FSD1L: variants seen among roughly 807,000 people sequenced by gnomAD.
The protein encoded by FSD1L is FSD1-like protein.
In FSD1L, 45 loss-of-function variants were observed where a neutral mutation model predicts 71.6. That is an observed-to-expected ratio of 0.63 (90% confidence interval 0.49 to 0.81). The LOEUF is 0.81. Among genes scored for constraint, FSD1L ranks in the 30% least tolerant of loss-of-function variants. FSD1L has a pLI of 0.00. For synonymous variants in FSD1L, 197 were observed against 207.2 expected, an observed-to-expected ratio of 0.95 and a Z score of 0.42; for missense variants, 561 against 618.1, an observed-to-expected ratio of 0.91 and a Z score of 0.98.
At chr9:105,456,997 G>A (rs1330201915) in intron 1 of FSD1L, among the ~76,000 whole-genome samples, 3 of 152,116 alleles carry the variant, frequency 2.0e-5, no homozygotes, top group East Asian at 1.9e-4. Flanking sequence ...TGAGACCTTC[G>A]TAGGCATCCT....
intron 10 of FSD1L, among the ~76,000 whole-genome samples, chr9:105,515,715 C>T (rs1287411967): frequency 6.6e-6 from 1 of 152,152 alleles, no homozygotes; most frequent in Non-Finnish European, 1.5e-5. Flanking sequence ...CTGGTGCCTA[C>T]CCCACCAGGG....
At chr9:105,531,665 G>A (rs990786429) in intron 10 of FSD1L, among the ~76,000 whole-genome samples, 26 of 152,202 alleles carry the variant, frequency 1.7e-4, no homozygotes, top group Non-Finnish European at 2.9e-5. Flanking sequence ...GAAGATTAAT[G>A]TGCAGTCAAT....
At position 105,461,606 on chromosome 9, in the gene FSD1L, C is replaced by T; in HGVS notation, c.102C>T (p.Asn34=). 1 of 1,547,778 alleles carries T rather than the reference C, an allele frequency of 6.5e-7. No homozygotes were observed. The highest frequency in any genetic ancestry group is 1.2e-5 in the South Asian group (1 of 83,962). Reference sequence around the variant, plus strand: ...TCACTATTGGACCAGAGTCTATTAACTTGCAGCAGGTTGGTAGCTCTTAAA... The same window carrying T: ...TCACTATTGGACCAGAGTCTATTAATTTGCAGCAGGTTGGTAGCTCTTAAA... The part of the protein sequence containing the change: ...SNITIGPESI[N]LQQEALQRII... Residue 34 remains asparagine (N), a synonymous_variant, in exon 2 of 14, where the codon AAC becomes AAT. Transcript: ENST00000481272.
upstream of FSD1L, among the ~76,000 whole-genome samples, chr9:105,446,051 T>C (rs1275181964): frequency 1.3e-5 from 2 of 152,070 alleles, no homozygotes; most frequent in African/African-American, 4.8e-5. Flanking sequence ...GTGCATACTA[T>C]GTGGCAGACT....
intron 12 of FSD1L, among the ~76,000 whole-genome samples, chr9:105,537,394 G>GT (rs1435029915): frequency 6.6e-6 from 1 of 152,072 alleles, no homozygotes; most frequent in Non-Finnish European, 1.5e-5. Context: ...CCTTGAATCA[G>GT]TTAAATCATT....
At position 105,512,928 on chromosome 9, in the gene FSD1L, C is replaced by CAATTA. The variant is rs1443208011; in HGVS notation, c.1019_1020insTTAAA (p.Lys340AsnfsTer2). The CAATTA allele has an allele frequency of 6.5e-7, 1 of 1,533,984 alleles. No individual in the cohort carries two copies. Among genetic ancestry groups the CAATTA allele is most frequent in the Admixed American group, 2.1e-5 (1 of 47,478 alleles). ...AAAGTAAAATTAAAGGAAAAGAGAA[C>CAATTA]AAGGGCAGGTAAGCTAGACCATTAA... On this transcript the variant is annotated frameshift_variant, in exon 10 of 14. Coordinates refer to ENST00000481272, the MANE Select transcript of FSD1L (RefSeq NM_001145313.3). LOFTEE classifies it high-confidence loss of function.
chr9:105,454,901 G>T (rs1258814245), intron 1 of FSD1L, among the ~76,000 whole-genome samples: 3 of 152,192 alleles, frequency 2.0e-5, no homozygotes, highest in Non-Finnish European at 4.4e-5. Flanking sequence ...TACAGGTAGT[G>T]TTCTCAACTG....
chr9:105,526,113 T>C, intron 10 of FSD1L: 1 of 1,554,186 alleles, frequency 6.4e-7, no homozygotes, highest in Non-Finnish European at 8.9e-7. Context: ...CCTTCTTTGG[T>C]CCCCTTTTTG....
intron 5 of FSD1L, 137 bp downstream of exon 5, chr9:105,472,142 T>C (rs1467719592): frequency 3.8e-6 from 4 of 1,046,656 alleles, no homozygotes; most frequent in Non-Finnish European, 5.1e-6. Flanking sequence ...ATAAGTAAAA[T>C]GCTGGCTGTT....
chr9:105,521,073 C>A (rs2131417307), intron 10 of FSD1L: 3 of 1,613,462 alleles, frequency 1.9e-6, no homozygotes, highest in East Asian at 4.5e-5. Context: ...GCAGATGAGA[C>A]CAAAGCCACA....
intron 7 of FSD1L, 102 bp from the exon 8 acceptor site, chr9:105,506,297 A>T: frequency 1.2e-6 from 1 of 869,422 alleles, no homozygotes. Flanking sequence ...TTAAAAGCAT[A>T]ATGAAAAAGC....
chr9:105,452,711 C>CTTCCTTCCT (rs1564073534), intron 1 of FSD1L, among the ~76,000 whole-genome samples: 1 of 148,928 alleles, frequency 6.7e-6, no homozygotes. Flanking sequence ...TCCTTCCTTC[C>CTTCCTTCCT]TTCCTTCTTT....
chr9:105,476,558 T>C (rs1831816491), intron 5 of FSD1L, among the ~76,000 whole-genome samples: 1 of 152,164 alleles, frequency 6.6e-6, no homozygotes, highest in South Asian at 2.1e-4. Flanking sequence ...TTAGATTTAT[T>C]TTTAGGTTAT....
Position 105,484,375 on chromosome 9 carries a change from C to A in FSD1L, c.465-6C>A. The A allele has an allele frequency of 6.7e-7, 1 of 1,496,044 alleles. No individual in the cohort carries two copies. The allele number at this position is 1,496,044 out of a possible 1,614,324, so 92.7% of individuals were successfully genotyped here. ...ATTTTAAAAAGTATGTTTGTGTTTA[C>A]CGTAGAGTCACAATGGCTTCAGCCT... is the stretch of plus-strand genomic sequence containing the variant. On this transcript the variant is annotated splice_region_variant and splice_polypyrimidine_tract_variant and intron_variant, in intron 6 of 13. Transcript: ENST00000481272.
chr9:105,525,520 C>T, intron 10 of FSD1L: 1 of 1,610,006 alleles, frequency 6.2e-7, no homozygotes, highest in Non-Finnish European at 8.5e-7. Flanking sequence ...ACCTCAAAAA[C>T]CTCAGTCAGC....
chr9:105,452,711 C>CTTCCTTCCTTCT (rs1564073534), intron 1 of FSD1L, among the ~76,000 whole-genome samples: 1 of 148,926 alleles, frequency 6.7e-6, no homozygotes, highest in African/African-American at 2.5e-5. Context: ...TCCTTCCTTC[C>CTTCCTTCCTTCT]TTCCTTCTTT....
At chr9:105,511,907 A>G (rs527596445) in intron 9 of FSD1L, among the ~76,000 whole-genome samples, 1 of 152,252 alleles carries the variant, frequency 6.6e-6, no homozygotes, top group East Asian at 1.9e-4. Context: ...TTCTTAATAT[A>G]TACTAGAAGT....
intron 7 of FSD1L, among the ~76,000 whole-genome samples, chr9:105,489,157 C>T (rs774265843): frequency 7.2e-5 from 11 of 152,112 alleles, no homozygotes; most frequent in Non-Finnish European, 1.0e-4. Context: ...TATTCATAAT[C>T]TTAAAACTGG....
chr9:105,492,726 C>G (rs1833041802), intron 7 of FSD1L, among the ~76,000 whole-genome samples: 1 of 152,144 alleles, frequency 6.6e-6, no homozygotes, highest in South Asian at 2.1e-4. Context: ...TTTCAAAGAA[C>G]ATCTTTATTT....
Sources: gnomAD v4.1 joint callset for allele counts (sites outside exome capture counted in the v4.1 genomes callset) on GRCh38, gnomAD v4.1.1 for gene constraint, MANE v1.5 for transcripts, NCBI Gene and HGNC (gene_info 2026-07-23, HGNC 2026-07-21) for gene names.